UGT1A9: variants seen among roughly 807,000 people sequenced by gnomAD.
The protein encoded by UGT1A9 is UDP glucuronosyltransferase family 1 member A9.
A neutral mutation model predicts 45.0 loss-of-function variants in UGT1A9; 35 were observed. That is an observed-to-expected ratio of 0.78 (90% CI 0.59 to 1.03). UGT1A9 has a LOEUF of 1.03. UGT1A9 is among the 50% of genes least tolerant of loss of function. The pLI, the probability that UGT1A9 is intolerant of heterozygous loss-of-function variation, is 0.00. For synonymous variants in UGT1A9, 278 were observed against 250.6 expected, an observed-to-expected ratio of 1.11 and a Z score of -1.03; for missense variants, 687 against 666.6, an observed-to-expected ratio of 1.03 and a Z score of -0.34.
intron 1 of UGT1A9, among the ~76,000 whole-genome samples, chr2:233,725,738 A>G (rs1198511442): frequency 6.6e-6 from 1 of 152,210 alleles, no homozygotes; most frequent in Non-Finnish European, 1.5e-5. Flanking sequence ...ACAAATGTAA[A>G]CATTGTAAGA....
chr2:233,687,045 C>T (rs1028315150), intron 1 of UGT1A9, among the ~76,000 whole-genome samples: 8 of 152,150 alleles, frequency 5.3e-5, no homozygotes, highest in African/African-American at 1.2e-4. Context: ...TTTGAGCACG[C>T]GGACCCTGGA....
At chr2:233,737,120 A>C (rs948512181) in intron 1 of UGT1A9, among the ~76,000 whole-genome samples, 9 of 152,336 alleles carry the variant, frequency 5.9e-5, no homozygotes, top group African/African-American at 2.2e-4. Flanking sequence ...CATGTTCAGA[A>C]GTTGTCTGCT....
chr2:233,726,289 A>G (rs568621451), intron 1 of UGT1A9, among the ~76,000 whole-genome samples: 9 of 152,322 alleles, frequency 5.9e-5, no homozygotes, highest in African/African-American at 1.9e-4. Context: ...GGTACTTGGG[A>G]GGCTCAGGTG....
intron 1 of UGT1A9, among the ~76,000 whole-genome samples, chr2:233,724,153 T>TG (rs1256567668): frequency 5.0e-4 from 26 of 52,120 alleles, no homozygotes; most frequent in African/African-American, 2.1e-3. Flanking sequence ...GCTGGCCGGG[T>TG]GGGGGGGCTG....
intron 4 of UGT1A9, among the ~76,000 whole-genome samples, chr2:233,768,799 G>C (rs1295681406): frequency 6.6e-6 from 1 of 151,984 alleles, no homozygotes; most frequent in Admixed American, 6.6e-5. Flanking sequence ...TGTCAGGCTG[G>C]TCTTGAACTC....
chr2:233,694,052 C>T (rs1175368411), intron 1 of UGT1A9, among the ~76,000 whole-genome samples: 2 of 152,128 alleles, frequency 1.3e-5, no homozygotes, highest in African/African-American at 2.4e-5. Flanking sequence ...CAGAGGCATT[C>T]GGATGAAGAC....
At chr2:233,764,695 A>C (rs1698624140) in intron 1 of UGT1A9, among the ~76,000 whole-genome samples, 1 of 152,184 alleles carries the variant, frequency 6.6e-6, no homozygotes. Context: ...GAGCACTTGG[A>C]AATGAGCTGT....
intron 1 of UGT1A9, among the ~76,000 whole-genome samples, chr2:233,745,501 T>A (rs1359317730): frequency 1.3e-5 from 2 of 151,666 alleles, no homozygotes; most frequent in Non-Finnish European, 2.9e-5. Flanking sequence ...TAAGATTTCC[T>A]ATAGGGTATT....
chr2:233,723,473 G>A (rs1476221455), intron 1 of UGT1A9, among the ~76,000 whole-genome samples: 1 of 135,908 alleles, frequency 7.4e-6, no homozygotes, highest in Admixed American at 7.3e-5. Flanking sequence ...GCCTCCCAAA[G>A]TGCTAGGATT....
At chr2:233,674,100 A>C (rs879388307) in intron 1 of UGT1A9, among the ~76,000 whole-genome samples, 368 of 152,276 alleles carry the variant, frequency 2.4e-3, no homozygotes, top group Non-Finnish European at 4.6e-3. Flanking sequence ...TTTTGGAGGG[A>C]TGGAGTATAC....
intron 1 of UGT1A9, among the ~76,000 whole-genome samples, chr2:233,697,309 ATTGT>A (rs1228045255): frequency 2.0e-5 from 3 of 151,956 alleles, no homozygotes; most frequent in Admixed American, 6.6e-5. Context: ...ATCTTGGTAG[ATTGT>A]TTGTGTTTGG....
chr2:233,700,397 T>C (rs1172875233), intron 1 of UGT1A9, among the ~76,000 whole-genome samples: 1 of 152,226 alleles, frequency 6.6e-6, no homozygotes, highest in African/African-American at 2.4e-5. Context: ...TGGAACATTT[T>C]GGCAGCAGTG....
chr2:233,754,858 C>T lies in UGT1A9; in HGVS notation c.856-12176C>T, dbSNP rs759970086. 1.3e-5 allele frequency: 18 copies of T among 1,350,050 alleles called. No individual in the cohort carries two copies. In the African/African-American group the frequency reaches 2.1e-4, roughly 16 times the overall value. The allele number at this position is 1,350,050 out of a possible 1,614,324, so 83.6% of individuals were successfully genotyped here. ...TCACTGAAGGCAGAGAAAAGGGGTG[C>T]AGACCCTCTGCTTCTGCTTCCCAGG... On this transcript the variant is annotated intron_variant, in intron 1 of 4. Coordinates refer to ENST00000354728, the MANE Select transcript of UGT1A9 (RefSeq NM_021027.3).
chr2:233,692,050 G>A (rs968960358), intron 1 of UGT1A9: 1 of 152,148 alleles, frequency 6.6e-6, no homozygotes, highest in African/African-American at 2.4e-5. Context: ...AAACCCTTGC[G>A]ATTAGAGGGA....
chr2:233,730,143 C>G, intron 1 of UGT1A9: 1 of 1,515,100 alleles, frequency 6.6e-7, no homozygotes, highest in African/African-American at 1.4e-5. Flanking sequence ...GTGAGATAAA[C>G]TGTTAAGGGG....
intron 1 of UGT1A9, among the ~76,000 whole-genome samples, chr2:233,740,081 G>A (rs375117222): frequency 1.3e-5 from 2 of 151,740 alleles, no homozygotes; most frequent in African/African-American, 2.4e-5. Flanking sequence ...TCTGTCTCTC[G>A]CCTGCTGCCA....
rs150592409 is a variant in UGT1A9, at chr2:233,726,667, G to A, written c.856-40367G>A. On this transcript the variant is annotated intron_variant, in intron 1 of 4. Coordinates refer to ENST00000354728, the MANE Select transcript of UGT1A9 (RefSeq NM_021027.3). ...TAAAACTCTTAATTTAATCATATCT[G>A]TGAAGTCTCTTCCACCTGTAACGGA... Among the ~76,000 whole-genome samples, 7 of 152,246 alleles carry A rather than the reference G, an allele frequency of 4.6e-5. No individual in the cohort carries two copies. The East Asian group carries it at 1.3e-3, about 29-fold the overall frequency.
intron 1 of UGT1A9, among the ~76,000 whole-genome samples, chr2:233,757,709 C>T (rs1363556307): frequency 2.0e-5 from 3 of 151,302 alleles, no homozygotes; most frequent in Admixed American, 6.6e-5. Context: ...CTTTGCTTCC[C>T]GGGAGGGTCC....
At chr2:233,695,460 A>G (rs1364895717) in intron 1 of UGT1A9, among the ~76,000 whole-genome samples, 2 of 150,892 alleles carry the variant, frequency 1.3e-5, no homozygotes, top group African/African-American at 4.9e-5. Context: ...AACGTGCTTT[A>G]TTGGCCCTTT....
Sources: allele counts gnomAD v4.1 joint callset (sites outside exome capture counted in the v4.1 genomes callset), GRCh38; gene constraint gnomAD v4.1.1; transcripts MANE v1.5; gene names NCBI Gene and HGNC (gene_info 2026-07-23, HGNC 2026-07-21).